FAAP20: variants seen among roughly 807,000 people sequenced by gnomAD.
FAAP20 encodes the protein Fanconi anemia core complex-associated protein 20.
In FAAP20, 12 loss-of-function variants were observed where a neutral mutation model predicts 16.2. The ratio of observed to expected loss-of-function variants is 0.74; its 90% CI spans 0.48 to 1.20. The LOEUF (loss-of-function observed/expected upper bound fraction) is 1.20, where lower values mean the gene tolerates loss of function less well. FAAP20 is among the 50% of genes most tolerant of loss of function. FAAP20 has a pLI of 0.00. For missense variants in FAAP20, 288 were observed against 245.8 expected (o/e 1.17, Z -1.15); for synonymous variants, 141 against 110.7 (o/e 1.27, Z -1.72).
At chr1:2,192,800 A>G in intron 3 of FAAP20, 1 of 1,142,580 alleles carries the variant, frequency 8.8e-7, no homozygotes, top group Admixed American at 2.3e-5. Flanking sequence ...GGATCTTGCC[A>G]TGTTGCCCAG....
upstream of FAAP20, chr1:2,198,025 A>G (rs1688892090): frequency 7.7e-7 from 1 of 1,290,982 alleles, no homozygotes. Flanking sequence ...GCCTGTCCTC[A>G]AGTTATCAGC....
chr1:2,189,847 T>A (rs1284467763), intron 3 of FAAP20, 66 bp from the exon 4 acceptor site: 1 of 1,273,584 alleles, frequency 7.9e-7, no homozygotes, highest in East Asian at 2.3e-5. Flanking sequence ...GAGCACCGTC[T>A]GGACCTCCGG....
At chr1:2,208,515 G>A (rs545498277), downstream of FAAP20, among the ~76,000 whole-genome samples, 5 of 152,324 alleles carry the variant, frequency 3.3e-5, no homozygotes, top group East Asian at 1.9e-4. Flanking sequence ...ACCCGCGTGC[G>A]GAAGGTGCTG....
At chr1:2,207,403 G>T (rs937167159), downstream of FAAP20, among the ~76,000 whole-genome samples, 7 of 152,220 alleles carry the variant, frequency 4.6e-5, no homozygotes, top group Non-Finnish European at 1.0e-4. Flanking sequence ...CAGTGAGCCC[G>T]CAAGGTCAGG....
At chr1:2,212,547 A>G (rs1638234034) in intron 1 of FAAP20, 1 of 155,804 alleles carries the variant, frequency 6.4e-6, no homozygotes, top group African/African-American at 2.4e-5. Context: ...AGGCAGCAGT[A>G]CCTCCAAGGC....
At chr1:2,193,388 C>A in intron 3 of FAAP20, 1 of 600,924 alleles carries the variant, frequency 1.7e-6, no homozygotes, top group Non-Finnish European at 2.8e-6. Context: ...CCAGTGCTCC[C>A]AGCCTTCCTT....
At chr1:2,189,000 G>A (rs778895249), downstream of FAAP20, among the ~76,000 whole-genome samples, 1 of 121,020 alleles carries the variant, frequency 8.3e-6, no homozygotes, top group African/African-American at 3.4e-5. Context: ...GCGAGACTCC[G>A]TCTCAAAAAA....
intron 3 of FAAP20, chr1:2,193,412 T>A (rs1455297001): frequency 1.5e-6 from 1 of 659,002 alleles, no homozygotes; most frequent in Non-Finnish European, 2.4e-6. Flanking sequence ...TGCTGTTCTG[T>A]GGGCCCCCAG....
downstream of FAAP20, among the ~76,000 whole-genome samples, chr1:2,186,503 C>G (rs917613021): frequency 8.3e-4 from 125 of 149,970 alleles, 7 homozygotes; most frequent in Middle Eastern, 0.01. Flanking sequence ...CCCGCCCCCC[C>G]CCGGCCAGCT....
upstream of FAAP20, chr1:2,198,102 ACTT>A: frequency 1.5e-6 from 2 of 1,291,220 alleles, no homozygotes; most frequent in African/African-American, 3.0e-5. Flanking sequence ...AAAACGCTCC[ACTT>A]CTTCGGAGCC....
At chr1:2,200,776 G>A, upstream of FAAP20, 1 of 1,001,702 alleles carries the variant, frequency 1.0e-6, no homozygotes, top group Non-Finnish European at 1.2e-6. Context: ...ACCCGGAGCT[G>A]AGGAAGAGGC....
chr1:2,205,933 T>C (rs1474768831), intron 3 of FAAP20, among the ~76,000 whole-genome samples: 1 of 152,234 alleles, frequency 6.6e-6, no homozygotes, highest in Non-Finnish European at 1.5e-5. Context: ...AGGTCTTCAT[T>C]CCTTTTCGGT....
downstream of FAAP20, among the ~76,000 whole-genome samples, chr1:2,210,547 C>A (rs1009898268): frequency 1.8e-4 from 28 of 152,168 alleles, no homozygotes; most frequent in Non-Finnish European, 3.4e-4. Context: ...CCCAGCAACC[C>A]CCCAGGTAAG....
chr1:2,202,426 C>T (rs952542915), upstream of FAAP20, among the ~76,000 whole-genome samples: 2 of 152,064 alleles, frequency 1.3e-5, no homozygotes, highest in African/African-American at 4.8e-5. Flanking sequence ...GCAACCTCCA[C>T]CTCCTCGGTT....
chr1:2,204,908 AGCCCCCCTCCCTCCCTTCGG>A (rs1254792952), intron 3 of FAAP20, among the ~76,000 whole-genome samples: 1 of 8,812 alleles, frequency 1.1e-4, no homozygotes, highest in Admixed American at 9.8e-4. Context: ...CCGCCCCTCA[AGCCCCCCTCCCTCCCTTCGG>A]GCCCCCCATA....
At chr1:2,187,891 C>T (rs534381792), downstream of FAAP20, among the ~76,000 whole-genome samples, 2 of 152,198 alleles carry the variant, frequency 1.3e-5, no homozygotes, top group East Asian at 3.8e-4. Flanking sequence ...GCCCATGCCC[C>T]GGAGACCTCC....
chr1:2,187,834 C>A (rs1013073166), downstream of FAAP20, among the ~76,000 whole-genome samples: 1 of 152,162 alleles, frequency 6.6e-6, no homozygotes, highest in African/African-American at 2.4e-5. Flanking sequence ...TGGGTGTGGA[C>A]AGGCACGTGA....
At chr1:2,191,868 C>T (rs537489331) in intron 3 of FAAP20, 4 of 985,510 alleles carry the variant, frequency 4.1e-6, no homozygotes, top group East Asian at 1.1e-4. Flanking sequence ...CCACGTGACC[C>T]GCAGGTGTCT....
Position 2,194,138 on chromosome 1 carries a change from G to A in FAAP20, c.63-5C>T. ...CAGGGGCGGCCGCCAGAAGGCCTGGGGCAGACAGAGAGGGCAGACAGGGGG... is the reference window on the plus strand; with the variant it reads ...CAGGGGCGGCCGCCAGAAGGCCTGGAGCAGACAGAGAGGGCAGACAGGGGG... On this transcript the variant is annotated splice_region_variant and splice_polypyrimidine_tract_variant and intron_variant, in intron 1 of 3. Coordinates refer to ENST00000378546, the MANE Select transcript of FAAP20 (RefSeq NM_182533.4). 1 of 1,612,038 alleles carries A rather than the reference G, an allele frequency of 6.2e-7. No homozygotes were observed. The highest frequency in any genetic ancestry group is 8.5e-7 in the Non-Finnish European group (1 of 1,179,802).
Sources: allele counts gnomAD v4.1 joint callset (sites outside exome capture counted in the v4.1 genomes callset), GRCh38; gene constraint gnomAD v4.1.1; transcripts MANE v1.5; gene names NCBI Gene and HGNC (gene_info 2026-07-23, HGNC 2026-07-21).